Variants in BCKDHB observed in about 807,000 individuals in gnomAD.
BCKDHB encodes the protein branched chain keto acid dehydrogenase E1 subunit beta, also known as 2-oxoisovalerate dehydrogenase subunit beta, mitochondrial.
A neutral mutation model predicts 48.5 loss-of-function variants in BCKDHB; 41 were observed. The observed-to-expected ratio is 0.85, with a 90% confidence interval of 0.66 to 1.10. The LOEUF is 1.10. Among genes scored for constraint, BCKDHB ranks in the 50% least tolerant of loss-of-function variants. BCKDHB has a pLI of 0.00. For synonymous variants in BCKDHB, 201 were observed against 174.8 expected (o/e 1.15, Z -1.18); for missense variants, 496 against 494.2 (o/e 1.00, Z -0.03).
chr6:80,407,490 C>G, the BCKDHB span, among the ~76,000 whole-genome samples: 2 of 152,158 alleles, frequency 1.3e-5, no homozygotes, highest in East Asian at 1.9e-4. Context: ...TATCCATGAG[C>G]ATGAAATGTT....
chr6:80,440,354 C>T, the BCKDHB span, among the ~76,000 whole-genome samples: 2 of 152,178 alleles, frequency 1.3e-5, no homozygotes, highest in African/African-American at 2.4e-5. Context: ...AGATGGCTTC[C>T]TTAAGCACAG....
chr6:80,240,960 T>G (rs904348760), intron 8 of BCKDHB, among the ~76,000 whole-genome samples: 1 of 152,126 alleles, frequency 6.6e-6, no homozygotes, highest in African/African-American at 2.4e-5. Flanking sequence ...TTTTTACTCT[T>G]TTTTCTCTAA....
intron 9 of BCKDHB, among the ~76,000 whole-genome samples, chr6:80,312,220 C>T (rs145760030): frequency 6.6e-6 from 1 of 151,874 alleles, no homozygotes; most frequent in Non-Finnish European, 1.5e-5. Flanking sequence ...TAATTTGGCT[C>T]TTGGCTTGCC....
chr6:80,157,459 A>ATTTT lies in BCKDHB; in HGVS notation c.344-10199_344-10196dup, dbSNP rs36063034. On this transcript the variant is annotated intron_variant, in intron 3 of 9. Coordinates refer to ENST00000320393, the MANE Select transcript of BCKDHB (RefSeq NM_183050.4). Reference sequence around the variant, plus strand: ...AGGCACTGGAGATTATTGGGTGAGAATTTTTTTTTTTTTTTTTTTTTTTGA... The same window carrying ATTTT: ...AGGCACTGGAGATTATTGGGTGAGAATTTTTTTTTTTTTTTTTTTTTTTTTTTGA... 3.4e-3 allele frequency among the ~76,000 whole-genome samples: 331 copies of ATTTT among 96,688 alleles called. 1 individual carries two copies. The highest frequency in any genetic ancestry group is 6.0e-3 in the East Asian group (18 of 2,992). The allele number at this position is 96,688 out of a possible 152,430, so 63.4% of individuals were successfully genotyped here.
At chr6:80,128,068 C>T (rs938145936) in intron 2 of BCKDHB, among the ~76,000 whole-genome samples, 1 of 151,698 alleles carries the variant, frequency 6.6e-6, no homozygotes, top group African/African-American at 2.4e-5. Context: ...TCTTAATCTT[C>T]ATCTTATTAA....
intron 6 of BCKDHB, among the ~76,000 whole-genome samples, chr6:80,183,765 C>G (rs539205176): frequency 4.9e-4 from 75 of 152,266 alleles, no homozygotes; most frequent in African/African-American, 1.7e-3. Flanking sequence ...ACTTCAACCC[C>G]TGGCAAACAC....
intron 8 of BCKDHB, among the ~76,000 whole-genome samples, chr6:80,242,243 G>T (rs1776419826): frequency 6.6e-6 from 1 of 151,852 alleles, no homozygotes; most frequent in Admixed American, 6.6e-5. Context: ...GTGATTTAAG[G>T]TAAGAGCTCT....
intron 9 of BCKDHB, among the ~76,000 whole-genome samples, chr6:80,328,179 G>C (rs1217946828): frequency 2.6e-5 from 4 of 152,132 alleles, no homozygotes; most frequent in African/African-American, 9.7e-5. Flanking sequence ...AGATTTTGCA[G>C]GTAAACTTTG....
At position 80,178,103 on chromosome 6, in the gene BCKDHB, G is replaced by C. The variant is rs141840056; in HGVS notation, c.742+6713G>C. Among the ~76,000 whole-genome samples the C allele has an allele frequency of 1.7e-3, 262 of 152,290 alleles. 1 individual carries two copies. The highest frequency in any genetic ancestry group is 6.0e-3 in the African/African-American group (251 of 41,552). ...GGCTGACAGTCATCTCATCTGACCT[G>C]CATGATCTCAGGACATGGCCATGTG... On this transcript the variant is annotated intron_variant, in intron 6 of 9. Transcript: ENST00000320393.
intron 9 of BCKDHB, among the ~76,000 whole-genome samples, chr6:80,299,296 G>A (rs1453870340): frequency 1.3e-5 from 2 of 152,168 alleles, no homozygotes; most frequent in African/African-American, 4.8e-5. Context: ...TGGTGTGTGT[G>A]TGCAGATGAT....
At chr6:80,385,455 C>T in the BCKDHB span, among the ~76,000 whole-genome samples, 2,586 of 152,268 alleles carry the variant, frequency 0.017, 68 homozygotes, top group African/African-American at 0.058. Context: ...GCTGGGGACA[C>T]TGAGTTTGTA....
At chr6:80,216,032 G>T (rs1775156994) in intron 8 of BCKDHB, among the ~76,000 whole-genome samples, 1 of 152,134 alleles carries the variant, frequency 6.6e-6, no homozygotes, top group African/African-American at 2.4e-5. Context: ...GAGCCACCGT[G>T]CCCGGCCAAT....
chr6:80,136,351 T>C (rs908019980), intron 3 of BCKDHB, among the ~76,000 whole-genome samples: 7 of 152,064 alleles, frequency 4.6e-5, no homozygotes, highest in Non-Finnish European at 1.0e-4. Flanking sequence ...GCCAATACCA[T>C]TCAACAGGGG....
the BCKDHB span, among the ~76,000 whole-genome samples, chr6:80,428,282 T>C: frequency 1.2e-4 from 18 of 152,202 alleles, no homozygotes; most frequent in Non-Finnish European, 2.1e-4. Context: ...CTGATGGACA[T>C]TTGGGTTGGT....
chr6:80,116,680 A>G (rs913981547), intron 1 of BCKDHB, among the ~76,000 whole-genome samples: 3 of 152,266 alleles, frequency 2.0e-5, no homozygotes, highest in African/African-American at 7.2e-5. Flanking sequence ...ATTAACTTGC[A>G]TCCTTGATAT....
At chr6:80,226,289 A>G (rs1192060311) in intron 8 of BCKDHB, among the ~76,000 whole-genome samples, 7 of 152,224 alleles carry the variant, frequency 4.6e-5, no homozygotes, top group Admixed American at 1.3e-4. Context: ...CAACGAGAAG[A>G]TTCTTGTGTT....
chr6:80,352,428 A>G, the BCKDHB span, among the ~76,000 whole-genome samples: 7 of 152,150 alleles, frequency 4.6e-5, no homozygotes, highest in Non-Finnish European at 1.0e-4. Context: ...GAGTCAGTCA[A>G]TCAACCCCCA....
chr6:80,157,453 G>A (rs1020113479), intron 3 of BCKDHB, among the ~76,000 whole-genome samples: 9 of 145,816 alleles, frequency 6.2e-5, no homozygotes, highest in Non-Finnish European at 1.2e-4. Context: ...AGATTATTGG[G>A]TGAGAATTTT....
At chr6:80,165,945 A>G (rs967949028) in intron 3 of BCKDHB, among the ~76,000 whole-genome samples, 9 of 152,058 alleles carry the variant, frequency 5.9e-5, no homozygotes, top group Non-Finnish European at 5.9e-5. Context: ...TAGTCTCTCA[A>G]TTTTCAACCA....
Sources: allele counts gnomAD v4.1 joint callset (sites outside exome capture counted in the v4.1 genomes callset), GRCh38; gene constraint gnomAD v4.1.1; transcripts MANE v1.5; gene names NCBI Gene and HGNC (gene_info 2026-07-23, HGNC 2026-07-21).